Variants in CTIF observed in about 807,000 individuals in gnomAD.
CTIF encodes CBP80/20-dependent translation initiation factor.
In CTIF, 21 loss-of-function variants were observed where a neutral mutation model predicts 66.0. The ratio of observed to expected loss-of-function variants is 0.32; its 90% CI spans 0.23 to 0.46. The LOEUF (loss-of-function observed/expected upper bound fraction) is 0.46, where lower values mean the gene tolerates loss of function less well. CTIF is among the 20% of genes least tolerant of loss of function. The probability of loss-of-function intolerance (pLI) is 1.00; values close to 1 mark genes in which losing one functional copy is unlikely to be tolerated. For missense variants in CTIF, 739 were observed against 812.7 expected, an observed-to-expected ratio of 0.91 and a Z score of 1.10; for synonymous variants, 345 against 326.4, an observed-to-expected ratio of 1.06 and a Z score of -0.62.
chr18:48,563,097 C>T (rs1568034188), intron 1 of CTIF, among the ~76,000 whole-genome samples: 1 of 152,226 alleles, frequency 6.6e-6, no homozygotes, highest in Non-Finnish European at 1.5e-5. Flanking sequence ...CAGGTGGGAG[C>T]CTGGGGCTGC....
chr18:48,844,333 G>A (rs1223379122), intron 10 of CTIF, among the ~76,000 whole-genome samples: 1 of 152,222 alleles, frequency 6.6e-6, no homozygotes, highest in Non-Finnish European at 1.5e-5. Flanking sequence ...TAGGCCACTA[G>A]CTGGAGCTTG....
Position 48,539,235 on chromosome 18 carries a change from C to G in CTIF, c.-106C>G, listed in dbSNP as rs2088544762. The G allele has an allele frequency of 6.6e-6, 1 of 152,010 alleles. No individual in the cohort carries two copies. The highest frequency in any genetic ancestry group is 1.5e-5 in the Non-Finnish European group (1 of 68,070). 9.4% of individuals were successfully genotyped at this position (152,010 alleles called of 1,614,324 possible). On this transcript the variant is annotated 5_prime_UTR_variant, in exon 1 of 12. Transcript: ENST00000256413. ...GGCAGGAGTCGGCTCTCCGGAGCCT[C>G]GTCCCTCCCTTCCCCTTCCCTGCCC...
chr18:48,679,509 T>C (rs2091702586), intron 6 of CTIF, among the ~76,000 whole-genome samples: 1 of 152,142 alleles, frequency 6.6e-6, no homozygotes, highest in African/African-American at 2.4e-5. Context: ...GCAGGGACTG[T>C]TGGCTTTCCC....
chr18:48,849,957 G>A (rs1021148994), intron 10 of CTIF, among the ~76,000 whole-genome samples: 3 of 152,092 alleles, frequency 2.0e-5, no homozygotes, highest in Non-Finnish European at 4.4e-5. Flanking sequence ...CATCCCCACC[G>A]TCCATCTCCA....
At chr18:48,618,157 T>C (rs1046583423) in intron 1 of CTIF, among the ~76,000 whole-genome samples, 1 of 152,214 alleles carries the variant, frequency 6.6e-6, no homozygotes, top group Non-Finnish European at 1.5e-5. Context: ...CTCGCTGCAG[T>C]GAAAACACTC....
At chr18:48,540,016 G>A (rs2088568260) in intron 1 of CTIF, 1 of 152,198 alleles carries the variant, frequency 6.6e-6, no homozygotes, top group South Asian at 2.1e-4. Flanking sequence ...GTCTGTGGAT[G>A]GCTGTCGTCT....
At chr18:48,820,955 T>C (rs1381112609) in intron 10 of CTIF, among the ~76,000 whole-genome samples, 1 of 152,226 alleles carries the variant, frequency 6.6e-6, no homozygotes, top group Non-Finnish European at 1.5e-5. Flanking sequence ...CTCAAGCATG[T>C]GCTTAGTCCC....
At chr18:48,678,286 A>T (rs2091671423) in intron 6 of CTIF, among the ~76,000 whole-genome samples, 1 of 152,102 alleles carries the variant, frequency 6.6e-6, no homozygotes, top group African/African-American at 2.4e-5. Flanking sequence ...AAAGAGAAAT[A>T]TTTTTTTCTT....
At chr18:48,783,278 A>G (rs981483700) in intron 9 of CTIF, among the ~76,000 whole-genome samples, 5 of 152,194 alleles carry the variant, frequency 3.3e-5, no homozygotes, top group Non-Finnish European at 7.4e-5. Context: ...CGGCTTATGT[A>G]TGGAATGACT....
chr18:48,677,915 A>G (rs2091661404), intron 6 of CTIF, among the ~76,000 whole-genome samples: 1 of 152,186 alleles, frequency 6.6e-6, no homozygotes, highest in Non-Finnish European at 1.5e-5. Context: ...CGGGCTGCAT[A>G]TACTATCTCT....
chr18:48,668,700 G>C (rs933909836), intron 5 of CTIF, among the ~76,000 whole-genome samples: 6 of 152,068 alleles, frequency 3.9e-5, no homozygotes, highest in Non-Finnish European at 8.8e-5. Flanking sequence ...CGCCGTGTCA[G>C]CCTGGGACAT....
chr18:48,576,746 G>C (rs147077937), intron 1 of CTIF, among the ~76,000 whole-genome samples: 1 of 152,276 alleles, frequency 6.6e-6, no homozygotes, highest in East Asian at 1.9e-4. Flanking sequence ...GGGAGGATTC[G>C]GTCTGCTCAA....
intron 1 of CTIF, among the ~76,000 whole-genome samples, chr18:48,582,346 A>G (rs929221969): frequency 1.3e-5 from 2 of 152,090 alleles, no homozygotes; most frequent in Non-Finnish European, 2.9e-5. Context: ...ACAGAGAAGA[A>G]GGGGAGAGGG....
intron 1 of CTIF, among the ~76,000 whole-genome samples, chr18:48,571,314 G>T (rs112612213): frequency 6.6e-6 from 1 of 151,956 alleles, no homozygotes; most frequent in Non-Finnish European, 1.5e-5. Context: ...GCGCCACCAC[G>T]CCCGGCTAAT....
At chr18:48,827,630 T>G (rs1294254007) in intron 10 of CTIF, among the ~76,000 whole-genome samples, 1 of 152,150 alleles carries the variant, frequency 6.6e-6, no homozygotes. Context: ...AGCCCTAATC[T>G]TAGGCACAGA....
chr18:48,749,340 C>G (rs114496190), intron 7 of CTIF, among the ~76,000 whole-genome samples: 1 of 152,182 alleles, frequency 6.6e-6, no homozygotes, highest in African/African-American at 2.4e-5. Flanking sequence ...GCTGCGAGGA[C>G]CCCATCACAG....
At chr18:48,619,421 C>T (rs1451939147) in intron 1 of CTIF, 117 bp from the exon 2 acceptor site, 8 of 655,852 alleles carry the variant, frequency 1.2e-5, no homozygotes, top group African/African-American at 1.9e-5. Context: ...GTTGGAAGAA[C>T]AGAACGCCAT....
intron 3 of CTIF, among the ~76,000 whole-genome samples, chr18:48,659,217 A>G (rs1290236621): frequency 6.6e-6 from 1 of 152,104 alleles, no homozygotes; most frequent in Non-Finnish European, 1.5e-5. Context: ...TAGAGTGGCA[A>G]TAAGGAGTGC....
intron 5 of CTIF, among the ~76,000 whole-genome samples, chr18:48,667,642 T>G (rs1056309672): frequency 3.9e-5 from 6 of 152,244 alleles, no homozygotes; most frequent in African/African-American, 1.2e-4. Context: ...ATTCCCCTTA[T>G]GCCGAGGGAC....
Sources: gnomAD v4.1 joint callset for allele counts (sites outside exome capture counted in the v4.1 genomes callset) on GRCh38, gnomAD v4.1.1 for gene constraint, MANE v1.5 for transcripts, NCBI Gene and HGNC (gene_info 2026-07-23, HGNC 2026-07-21) for gene names.